The following HSPBAP1 variants were observed in gnomAD, a reference collection of about 807,000 sequenced individuals.
HSPBAP1 encodes HSPB1-associated protein 1.
A neutral mutation model predicts 45.2 loss-of-function variants in HSPBAP1; 27 were observed. That is an observed-to-expected ratio of 0.60 (90% CI 0.44 to 0.82). The LOEUF (loss-of-function observed/expected upper bound fraction) is 0.82. Ranked by LOEUF, HSPBAP1 falls within the 40% of genes least tolerant of loss-of-function variation. The pLI, the probability that HSPBAP1 is intolerant of heterozygous loss-of-function variation, is 0.00. For synonymous variants in HSPBAP1, 204 were observed against 202.7 expected (o/e 1.01, Z -0.06); for missense variants, 510 against 590.9 (o/e 0.86, Z 1.42).
At position 122,740,585 on chromosome 3, in the gene HSPBAP1, T is replaced by C. The variant is rs1409494142; in HGVS notation, c.1227A>G (p.Ile409Met). 1.9e-6 allele frequency: 3 copies of C among 1,614,104 alleles called. No homozygotes were observed. Among genetic ancestry groups the C allele is most frequent in the African/African-American group, 2.7e-5 (2 of 74,938 alleles). Reference sequence around the variant, plus strand: ...CAAAGTCTTTCCCATCACTTCCAAATATGCCTCCTCTTTCTGAAGGCGGTT... The same window carrying C: ...CAAAGTCTTTCCCATCACTTCCAAACATGCCTCCTCTTTCTGAAGGCGGTT... ...SEEPPSERGG[I>M]FGSDGKDFVD... Residue 409 changes from isoleucine to methionine, a missense_variant, in exon 8 of 8, where the codon ATA becomes ATG. Coordinates refer to ENST00000306103, the MANE Select transcript of HSPBAP1 (RefSeq NM_024610.6).
intron 6 of HSPBAP1, among the ~76,000 whole-genome samples, chr3:122,748,096 T>G (rs530770755): frequency 1.7e-4 from 26 of 152,336 alleles, no homozygotes; most frequent in African/African-American, 6.0e-4. Context: ...AACCCTGTGC[T>G]CTCTGAAACA....
At chr3:122,743,622 T>C (rs530869028) in intron 6 of HSPBAP1, among the ~76,000 whole-genome samples, 4 of 152,204 alleles carry the variant, frequency 2.6e-5, no homozygotes, top group African/African-American at 7.2e-5. Context: ...TTCTTGGGTA[T>C]ACACCTAGGA....
At chr3:122,743,099 A>G (rs1933724938) in intron 6 of HSPBAP1, among the ~76,000 whole-genome samples, 1 of 152,236 alleles carries the variant, frequency 6.6e-6, no homozygotes, top group Admixed American at 6.5e-5. Flanking sequence ...TTCATTATAT[A>G]CCATAAGATT....
At position 122,740,783 on chromosome 3, in the gene HSPBAP1, T is replaced by C; in HGVS notation, c.1029A>G (p.Glu343=). Residue 343 remains glutamate, a synonymous_variant, in exon 8 of 8, where the codon GAA becomes GAG. Transcript: ENST00000306103. ...FDRCRTSEVV[E]IQALRTDGEH... ...CTCCATCTGTTCTCAGTGCTTGGAT[T>C]TCTACTACCTCAGATGTTCTGCAGC... 6.2e-7 allele frequency: 1 copy of C among 1,614,126 alleles called. No individual in the cohort carries two copies. Among genetic ancestry groups the C allele is most frequent in the Non-Finnish European group, 8.5e-7 (1 of 1,180,044 alleles).
intron 2 of HSPBAP1, 57 bp from the exon 3 acceptor site, chr3:122,768,939 GT>G (rs201183344): frequency 1.7e-3 from 1,754 of 1,006,884 alleles, no homozygotes; most frequent in South Asian, 2.6e-3. Context: ...CCTAATTATT[GT>G]TTTTTTTTTA....
intron 3 of HSPBAP1, among the ~76,000 whole-genome samples, chr3:122,766,319 G>C (rs1012102165): frequency 1.3e-5 from 2 of 152,248 alleles, no homozygotes; most frequent in African/African-American, 4.8e-5. Flanking sequence ...CAAGTAATAA[G>C]ACTTGGTGGC....
chr3:122,743,466 T>C (rs970999421), intron 6 of HSPBAP1, among the ~76,000 whole-genome samples: 1 of 152,046 alleles, frequency 6.6e-6, no homozygotes, highest in African/African-American at 2.4e-5. Context: ...CTCAGGAGGC[T>C]GAAGCAGGAG....
At chr3:122,772,540 A>G (rs1444204296) in intron 2 of HSPBAP1, among the ~76,000 whole-genome samples, 1 of 152,182 alleles carries the variant, frequency 6.6e-6, no homozygotes, top group Non-Finnish European at 1.5e-5. Flanking sequence ...TAAAAAATAA[A>G]TATTCAGTAA....
chr3:122,786,175 A>G (rs1368343443), intron 1 of HSPBAP1, among the ~76,000 whole-genome samples: 3 of 151,944 alleles, frequency 2.0e-5, no homozygotes, highest in Non-Finnish European at 4.4e-5. Context: ...CATAGCTGGT[A>G]TAACACCTTG....
intron 1 of HSPBAP1, among the ~76,000 whole-genome samples, chr3:122,792,133 A>C (rs1388768452): frequency 6.6e-6 from 1 of 152,202 alleles, no homozygotes; most frequent in Non-Finnish European, 1.5e-5. Flanking sequence ...TCATTGGAGA[A>C]CGTTAGCAGG....
At chr3:122,773,254 C>T (rs991071785) in intron 2 of HSPBAP1, among the ~76,000 whole-genome samples, 5 of 150,536 alleles carry the variant, frequency 3.3e-5, no homozygotes, top group Non-Finnish European at 7.4e-5. Flanking sequence ...ATACAAATTA[C>T]TAATAAACAT....
At chr3:122,776,844 G>A (rs1427450140) in intron 2 of HSPBAP1, among the ~76,000 whole-genome samples, 1 of 152,310 alleles carries the variant, frequency 6.6e-6, no homozygotes, top group Admixed American at 6.5e-5. Flanking sequence ...CTACAAGGTC[G>A]AAATGAGAGA....
At chr3:122,752,466 C>CA (rs978937638) in intron 6 of HSPBAP1, 125 bp downstream of exon 6, 31 of 594,864 alleles carry the variant, frequency 5.2e-5, no homozygotes, top group Middle Eastern at 4.2e-4. Context: ...TGCACTGCAA[C>CA]AAAAAAATAC....
chr3:122,773,303 G>GTTTTTTTTTTTTTTTTTTTTTTT (rs36065763), intron 2 of HSPBAP1, among the ~76,000 whole-genome samples: 1 of 84,424 alleles, frequency 1.2e-5, no homozygotes, highest in Non-Finnish European at 2.2e-5. Context: ...AAATAAATGT[G>GTTTTTTTTTTTTTTTTTTTTTTT]TTTTTTTTTT....
intron 6 of HSPBAP1, among the ~76,000 whole-genome samples, chr3:122,742,168 GAT>G (rs769756263): frequency 1.3e-5 from 2 of 148,690 alleles, no homozygotes; most frequent in African/African-American, 4.9e-5. Flanking sequence ...ATAAATTATT[GAT>G]ATATATACAT....
At chr3:122,769,569 T>C (rs760235947) in intron 2 of HSPBAP1, among the ~76,000 whole-genome samples, 1 of 152,230 alleles carries the variant, frequency 6.6e-6, no homozygotes, top group Non-Finnish European at 1.5e-5. Context: ...ATTTAAGAAA[T>C]CTGATTATGA....
chr3:122,759,815 A>G (rs1384639015), intron 3 of HSPBAP1, among the ~76,000 whole-genome samples: 1 of 152,236 alleles, frequency 6.6e-6, no homozygotes, highest in Non-Finnish European at 1.5e-5. Flanking sequence ...CGAAGAAGTC[A>G]GAAAGCCGTA....
chr3:122,769,974 C>G (rs1307085347), intron 2 of HSPBAP1, among the ~76,000 whole-genome samples: 3 of 152,216 alleles, frequency 2.0e-5, no homozygotes, highest in Admixed American at 2.0e-4. Context: ...CCACCGTGCC[C>G]AGTCAATGTT....
In HSPBAP1 at chr3:122,793,626, C is replaced by T; in HGVS notation, c.55G>A (p.Gly19Arg). The change falls in exon 1 of 8, where the codon GGG becomes AGG. Residue 19 changes from glycine to arginine, a missense_variant. Coordinates refer to ENST00000306103, the MANE Select transcript of HSPBAP1 (RefSeq NM_024610.6). ...TPVIVAAGAG[G>R]EEGEHVKPFK... ...TCAGCCTGGCACCTACCTTCCTCCC[C>T]TCCAGCCCCAGCCGCAACGATCACA... The T allele has an allele frequency of 6.2e-7, 1 of 1,613,896 alleles. No homozygotes were observed. Among genetic ancestry groups the T allele is most frequent in the Non-Finnish European group, 8.5e-7 (1 of 1,179,998 alleles).
Sources: gnomAD v4.1 joint callset for allele counts (sites outside exome capture counted in the v4.1 genomes callset) on GRCh38, gnomAD v4.1.1 for gene constraint, MANE v1.5 for transcripts, NCBI Gene and HGNC (gene_info 2026-07-23, HGNC 2026-07-21) for gene names.